IPCEF1: variants seen among roughly 807,000 people sequenced by gnomAD.
The protein encoded by IPCEF1 is interactor protein for cytohesin exchange factors 1.
In IPCEF1, 31 loss-of-function variants were observed where a neutral mutation model predicts 50.9. The observed-to-expected ratio is 0.61, with a 90% confidence interval of 0.46 to 0.82. The LOEUF is 0.82. Ranked by LOEUF, IPCEF1 falls within the 40% of genes least tolerant of loss-of-function variation. The pLI is 0.00. For missense variants in IPCEF1, 458 were observed against 514.0 expected (o/e 0.89, Z 1.05); for synonymous variants, 181 against 192.0 (o/e 0.94, Z 0.47).
chr6:154,274,186 G>A (rs1006099202), intron 2 of IPCEF1, among the ~76,000 whole-genome samples: 5 of 149,974 alleles, frequency 3.3e-5, no homozygotes, highest in Admixed American at 6.7e-5. Flanking sequence ...CACTCATTTC[G>A]TTGCATTTCT....
At chr6:154,351,488 T>G (rs939030889) in intron 1 of IPCEF1, among the ~76,000 whole-genome samples, 1 of 152,242 alleles carries the variant, frequency 6.6e-6, no homozygotes, top group Admixed American at 6.5e-5. Context: ...TCCTTTCCAC[T>G]ATCTCTTCAC....
At chr6:154,173,159 C>T (rs998509807) in intron 10 of IPCEF1, among the ~76,000 whole-genome samples, 8 of 152,150 alleles carry the variant, frequency 5.3e-5, no homozygotes, top group African/African-American at 1.2e-4. Context: ...AAACCCCATC[C>T]GTAGGTCACC....
rs560482021 is a variant in IPCEF1 at position 154,354,307 on chromosome 6, C to T, written c.-62+2365G>A. 9.9e-5 allele frequency among the ~76,000 whole-genome samples: 15 copies of T among 151,750 alleles called. No homozygotes were observed. In the East Asian group the frequency reaches 2.9e-3, roughly 29 times the overall value. ...CACCTCCAACCACCATCTCCGCCAT[C>T]TGTACCATCACCTCTACCATCACTT... is the stretch of plus-strand genomic sequence containing the variant. On this transcript the variant is annotated intron_variant, in intron 1 of 11. Coordinates refer to ENST00000367220, the MANE Select transcript of IPCEF1 (RefSeq NM_001130700.2).
chr6:154,269,679 T>TA (rs1353260502), intron 2 of IPCEF1, among the ~76,000 whole-genome samples: 6 of 152,132 alleles, frequency 3.9e-5, no homozygotes, highest in African/African-American at 1.4e-4. Flanking sequence ...GAAATCTAAA[T>TA]TCCACTAAAA....
chr6:154,245,742 ACT>A (rs1309547763), intron 5 of IPCEF1, among the ~76,000 whole-genome samples: 1 of 151,898 alleles, frequency 6.6e-6, no homozygotes, highest in Non-Finnish European at 1.5e-5. Flanking sequence ...AGGGACTCAC[ACT>A]CTCCTGAGAG....
At chr6:154,295,248 T>C (rs891192337) in intron 1 of IPCEF1, among the ~76,000 whole-genome samples, 2 of 152,238 alleles carry the variant, frequency 1.3e-5, no homozygotes, top group Non-Finnish European at 2.9e-5. Flanking sequence ...ATTATTTAAT[T>C]TGTACAGTCA....
intron 9 of IPCEF1, among the ~76,000 whole-genome samples, chr6:154,203,306 C>T (rs1177050418): frequency 2.0e-5 from 3 of 152,266 alleles, no homozygotes; most frequent in East Asian, 1.9e-4. Context: ...CTGATAGTCT[C>T]GGGGCCAGGT....
chr6:154,320,219 A>G (rs917136104), intron 1 of IPCEF1, among the ~76,000 whole-genome samples: 3 of 152,248 alleles, frequency 2.0e-5, no homozygotes, highest in African/African-American at 4.8e-5. Context: ...CATGTAGTTC[A>G]TAACTACCAA....
At position 154,265,400 on chromosome 6, in the gene IPCEF1, C is replaced by A. The variant is rs140565790; in HGVS notation, c.36+512G>T. On this transcript the variant is annotated intron_variant, in intron 3 of 11. Transcript: ENST00000367220. ...GGTTCAAGTGATTCTCCTCCCTCAG[C>A]CTCCTCAGTAACTGGGATTACAGGC... is the stretch of plus-strand genomic sequence containing the variant. Among the ~76,000 whole-genome samples the A allele has an allele frequency of 7.8e-3, 1,191 of 152,118 alleles. 10 individuals carry two copies. The highest frequency in any genetic ancestry group is 0.023 in the African/African-American group (958 of 41,504).
At chr6:154,205,132 C>T (rs922440988) in intron 9 of IPCEF1, among the ~76,000 whole-genome samples, 4 of 152,194 alleles carry the variant, frequency 2.6e-5, no homozygotes, top group African/African-American at 4.8e-5. Flanking sequence ...CACTCCCTAG[C>T]CCATTGCCCT....
At position 154,165,719 on chromosome 6, in the gene IPCEF1, A is replaced by G. The variant is rs2281616; in HGVS notation, c.1104+2201T>C. Among the ~76,000 whole-genome samples, 1,167 of 152,348 alleles carry G rather than the reference A, an allele frequency of 7.7e-3. 11 individuals are homozygous for G. Among genetic ancestry groups the G allele is most frequent in the Admixed American group, 0.016 (239 of 15,300 alleles). Reference sequence around the variant, plus strand: ...TCCTCCCTGAAAATGAGATGACCCAATGACTTGCTTCTACTGAATAGAATA... The same window carrying G: ...TCCTCCCTGAAAATGAGATGACCCAGTGACTTGCTTCTACTGAATAGAATA... On this transcript the variant is annotated intron_variant, in intron 11 of 11. Transcript: ENST00000367220.
intron 1 of IPCEF1, among the ~76,000 whole-genome samples, chr6:154,322,373 A>AAC (rs3039689): frequency 0.35 from 42,773 of 123,678 alleles, 6,277 homozygotes; most frequent in Non-Finnish European, 0.41. Context: ...AAAAATTTTA[A>AAC]ACACACACAC....
chr6:154,327,614 T>A (rs191767521), intron 1 of IPCEF1, among the ~76,000 whole-genome samples: 20 of 152,314 alleles, frequency 1.3e-4, no homozygotes, highest in Admixed American at 1.3e-3. Context: ...ACTTTTACAC[T>A]GTTGGTGGGA....
At chr6:154,224,569 G>A (rs937223231) in intron 5 of IPCEF1, among the ~76,000 whole-genome samples, 8 of 152,090 alleles carry the variant, frequency 5.3e-5, no homozygotes, top group Admixed American at 1.3e-4. Flanking sequence ...ATATTAGCTG[G>A]TCATGGTGGT....
At position 154,330,351 on chromosome 6, in the gene IPCEF1, TTA is replaced by T. The variant is rs1270772942; in HGVS notation, c.-62+26319_-62+26320del. Among the ~76,000 whole-genome samples, 409 of 115,652 alleles carry T rather than the reference TTA, an allele frequency of 3.5e-3. 3 individuals are homozygous for T. The highest frequency in any genetic ancestry group is 5.6e-3 in the Non-Finnish European group (312 of 55,994). The allele number at this position is 115,652 out of a possible 152,430, so 75.9% of individuals were successfully genotyped here. A position where few individuals can be genotyped will look rare whatever the true frequency, so the allele number is the denominator to read the frequency against. On this transcript the variant is annotated intron_variant, in intron 1 of 11. Coordinates refer to ENST00000367220, the MANE Select transcript of IPCEF1 (RefSeq NM_001130700.2). ...TTTTTTTTTTTTTTTTTTTTTTTTT[TTA>T]AGACAGGATCTCTCTCTGTCACCCA...
intron 7 of IPCEF1, among the ~76,000 whole-genome samples, chr6:154,215,258 G>A (rs577342135): frequency 2.0e-5 from 3 of 151,638 alleles, no homozygotes; most frequent in Non-Finnish European, 2.9e-5. Flanking sequence ...GAATCCTTAC[G>A]CAACCCTCAA....
intron 5 of IPCEF1, among the ~76,000 whole-genome samples, chr6:154,242,080 C>T (rs887496508): frequency 3.3e-5 from 5 of 152,174 alleles, no homozygotes; most frequent in Admixed American, 6.5e-5. Context: ...CTATCTTGCT[C>T]GGCTATTATG....
intron 1 of IPCEF1, among the ~76,000 whole-genome samples, chr6:154,311,408 T>C (rs13215947): frequency 6.6e-6 from 1 of 152,110 alleles, no homozygotes; most frequent in Non-Finnish European, 1.5e-5. Flanking sequence ...TTCTTTTTAC[T>C]TTCTCTTACT....
chr6:154,344,049 C>T (rs1218802095), intron 1 of IPCEF1, among the ~76,000 whole-genome samples: 1 of 152,184 alleles, frequency 6.6e-6, no homozygotes, highest in African/African-American at 2.4e-5. Context: ...CAAACCAATC[C>T]CCTGAGCCCT....
Sources: gnomAD v4.1 joint callset for allele counts (sites outside exome capture counted in the v4.1 genomes callset) on GRCh38, gnomAD v4.1.1 for gene constraint, MANE v1.5 for transcripts, NCBI Gene and HGNC (gene_info 2026-07-23, HGNC 2026-07-21) for gene names.